MEP1A: variants seen among roughly 807,000 people sequenced by gnomAD.
The protein encoded by MEP1A is N-benzoyl-L-tyrosyl-P-amino-benzoic acid hydrolase subunit alpha.
Under a neutral mutation model 84.5 loss-of-function variants are expected in MEP1A, and 68 were observed. That is an observed-to-expected ratio of 0.80 (90% CI 0.66 to 0.98). The LOEUF is 0.98. Among genes scored for constraint, MEP1A ranks in the 50% least tolerant of loss-of-function variants. The pLI is 0.00. For missense variants in MEP1A, 887 were observed against 919.9 expected (o/e 0.96, Z 0.46); for synonymous variants, 337 against 336.8 (o/e 1.00, Z -0.01).
intron 5 of MEP1A, among the ~76,000 whole-genome samples, chr6:46,800,540 A>G (rs1048963400): frequency 5.9e-5 from 9 of 152,204 alleles, no homozygotes; most frequent in African/African-American, 2.2e-4. Context: ...CTGACATAAG[A>G]TAAAGGTATT....
At chr6:46,831,604 G>A (rs548643748) in intron 10 of MEP1A, among the ~76,000 whole-genome samples, 2 of 152,232 alleles carry the variant, frequency 1.3e-5, no homozygotes, top group South Asian at 2.1e-4. Flanking sequence ...AGCCTCTTGG[G>A]TCTCCTTCCC....
In MEP1A at chr6:46,826,414, T is replaced by C; in HGVS notation, c.839T>C (p.Ile280Thr). ...GAGAAGGCAAACATCTGTGGAATGA[T>C]TCAGGGCACCAGAGATGACACTGAC... Reference protein sequence around the residue: ...TFEKANICGMIQGTRDDTDWA... With the variant: ...TFEKANICGMTQGTRDDTDWA... The change falls in exon 9 of 14, where the codon ATT (isoleucine) becomes ACT (threonine). Residue 280 changes from isoleucine to threonine, a missense_variant. Coordinates refer to ENST00000230588, the MANE Select transcript of MEP1A (RefSeq NM_005588.3). 6.2e-7 allele frequency: 1 copy of C among 1,610,468 alleles called. No homozygotes were observed. Among genetic ancestry groups the C allele is most frequent in the Non-Finnish European group, 8.5e-7 (1 of 1,178,320 alleles).
the MEP1A span, among the ~76,000 whole-genome samples, chr6:46,845,409 C>A: frequency 1.3e-5 from 2 of 152,196 alleles, no homozygotes; most frequent in Non-Finnish European, 2.9e-5. Flanking sequence ...CTGCACTGAG[C>A]CAGGCTGCCA....
intron 6 of MEP1A, among the ~76,000 whole-genome samples, chr6:46,817,099 G>A (rs1227736863): frequency 6.6e-6 from 1 of 152,170 alleles, no homozygotes; most frequent in African/African-American, 2.4e-5. Context: ...CCAAGGAAGA[G>A]GCAGGTGATA....
At chr6:46,837,787 T>C (rs1395056358) in intron 13 of MEP1A, among the ~76,000 whole-genome samples, 1 of 152,158 alleles carries the variant, frequency 6.6e-6, no homozygotes, top group Non-Finnish European at 1.5e-5. Context: ...AAAAATGAAA[T>C]AAACTTGCTA....
chr6:46,813,453 A>G (rs1480642430), intron 6 of MEP1A, among the ~76,000 whole-genome samples: 1 of 152,308 alleles, frequency 6.6e-6, no homozygotes, highest in East Asian at 1.9e-4. Context: ...GTACAAATAG[A>G]CAATTCTGAA....
At position 46,796,195 on chromosome 6, in the gene MEP1A, C is replaced by T. The variant is rs543361002; in HGVS notation, c.146-2411C>T. On this transcript the variant is annotated intron_variant, in intron 3 of 13. Coordinates refer to ENST00000230588, the MANE Select transcript of MEP1A (RefSeq NM_005588.3). ...CCCCAGACTTAATGGACCAGAAATC[C>T]AACGGTGGGGGCTCATCAACGGGTG... Among the ~76,000 whole-genome samples, 8 of 152,248 alleles carry T rather than the reference C, an allele frequency of 5.3e-5. No individual in the cohort carries two copies. In the South Asian group the frequency reaches 1.7e-3, roughly 32 times the overall value.
chr6:46,797,495 G>C (rs1196406680), intron 3 of MEP1A, among the ~76,000 whole-genome samples: 1 of 152,176 alleles, frequency 6.6e-6, no homozygotes, highest in Non-Finnish European at 1.5e-5. Flanking sequence ...TTGGAGATAC[G>C]GTTTAGAATG....
intron 3 of MEP1A, among the ~76,000 whole-genome samples, chr6:46,797,871 T>TTTCCTTCCTTCC (rs1162981215): frequency 4.2e-4 from 45 of 107,000 alleles, no homozygotes; most frequent in African/African-American, 5.6e-4. Context: ...ACTTTCTACC[T>TTTCCTTCCTTCC]TTCCTTCCTT....
At chr6:46,817,893 G>A (rs547316428) in intron 6 of MEP1A, among the ~76,000 whole-genome samples, 4 of 152,294 alleles carry the variant, frequency 2.6e-5, no homozygotes, top group African/African-American at 9.6e-5. Flanking sequence ...TTTTGGGAAG[G>A]GACTGGCCCA....
downstream of MEP1A, among the ~76,000 whole-genome samples, chr6:46,840,574 G>A (rs1436172670): frequency 6.6e-6 from 1 of 152,188 alleles, no homozygotes; most frequent in East Asian, 1.9e-4. Context: ...CATCCTGGCT[G>A]CAGGCTTGGA....
chr6:46,844,236 G>A (rs1768379309), downstream of MEP1A, among the ~76,000 whole-genome samples: 3 of 152,180 alleles, frequency 2.0e-5, no homozygotes, highest in Non-Finnish European at 4.4e-5. Flanking sequence ...ATGAATGGGG[G>A]ATGGGAGATA....
Position 46,833,304 on chromosome 6 carries a change from T to C in MEP1A, c.1375T>C (p.Phe459Leu). The C allele has an allele frequency of 6.2e-7, 1 of 1,614,208 alleles. No individual in the cohort carries two copies. The highest frequency in any genetic ancestry group is 8.5e-7 in the Non-Finnish European group (1 of 1,180,026). ...SKGDKLQSPR[F>L]YNSEGYGFGV... ...AGGGGACAAGCTTCAGAGCCCTCGA[T>C]TCTACAATTCGGAGGGATATGGTTT... The change falls in exon 11 of 14, where the codon TTC becomes CTC. Residue 459 changes from phenylalanine to leucine, a missense_variant. Physicochemically the swap from Phe to Leu is conservative, Grantham distance 22. Transcript: ENST00000230588.
rs147708659 is a variant in MEP1A, at chr6:46,797,525, G to A, written c.146-1081G>A. ...AGAATGGATCTATCCATATTCCCCT[G>A]GTCTTCCTCATGATGTGGGCAGCAC... is the stretch of plus-strand genomic sequence containing the variant. On this transcript the variant is annotated intron_variant, in intron 3 of 13. Coordinates refer to ENST00000230588, the MANE Select transcript of MEP1A (RefSeq NM_005588.3). Among the ~76,000 whole-genome samples the A allele has an allele frequency of 2.0e-5, 3 of 152,310 alleles. No homozygotes were observed. The East Asian group carries it at 5.8e-4, about 29-fold the overall frequency.
intron 5 of MEP1A, among the ~76,000 whole-genome samples, chr6:46,806,227 C>T (rs946644409): frequency 1.3e-5 from 2 of 152,032 alleles, no homozygotes; most frequent in Non-Finnish European, 2.9e-5. Context: ...TTACTAATAT[C>T]TATCAATAAC....
At chr6:46,818,446 G>T (rs7748263) in intron 6 of MEP1A, among the ~76,000 whole-genome samples, 63,380 of 151,882 alleles carry the variant, frequency 0.42, 13,549 homozygotes, top group African/African-American at 0.49. Flanking sequence ...TCAGCATTGG[G>T]TAAAATATAG....
chr6:46,814,588 A>G (rs1385145959), intron 6 of MEP1A, among the ~76,000 whole-genome samples: 1 of 152,132 alleles, frequency 6.6e-6, no homozygotes, highest in Non-Finnish European at 1.5e-5. Context: ...ATTGCGGTGC[A>G]CTGACATGAT....
intron 11 of MEP1A, 72 bp downstream of exon 11, chr6:46,833,610 A>G (rs755803933): frequency 2.8e-6 from 3 of 1,088,638 alleles, no homozygotes; most frequent in Non-Finnish European, 4.1e-6. Flanking sequence ...TCTGTGGTGC[A>G]AGAAAGAGTA....
Position 46,819,694 on chromosome 6 carries a change from A to G in MEP1A, c.546A>G (p.Gln182=), listed in dbSNP as rs2150749712. 1.9e-6 allele frequency: 3 copies of G among 1,613,626 alleles called. No individual in the cohort carries two copies. The highest frequency in any genetic ancestry group is 1.1e-5 in the South Asian group (1 of 90,948). ...ATTATGTGAACATCTGGTGGGACCA[A>G]ATTCTTTCAGGTGTGATTGGGCGGA... ...RDDYVNIWWD[Q]ILSGYQHNFD... The change falls in exon 7 of 14, where the codon CAA becomes CAG. Residue 182 remains glutamine, a synonymous_variant. Transcript: ENST00000230588.
Sources: gnomAD v4.1 joint callset for allele counts (sites outside exome capture counted in the v4.1 genomes callset) on GRCh38, gnomAD v4.1.1 for gene constraint, MANE v1.5 for transcripts, NCBI Gene and HGNC (gene_info 2026-07-23, HGNC 2026-07-21) for gene names.